Variants in COL4A2 observed in about 807,000 individuals in gnomAD.
The protein encoded by COL4A2 is collagen type IV alpha 2 chain.
A neutral mutation model predicts 200.2 loss-of-function variants in COL4A2; 99 were observed. That is an observed-to-expected ratio of 0.49 (90% CI 0.42 to 0.58). The LOEUF (loss-of-function observed/expected upper bound fraction) is 0.58. Among genes scored for constraint, COL4A2 ranks in the 20% least tolerant of loss-of-function variants. The pLI is 0.00. For synonymous variants in COL4A2, 897 were observed against 900.6 expected (o/e 1.00, Z 0.07); for missense variants, 1,950 against 2,314.1 (o/e 0.84, Z 3.23).
chr13:110,424,708 A>C (rs373525574), intron 4 of COL4A2, 26 bp from the exon 5 acceptor site: 20 of 1,531,644 alleles, frequency 1.3e-5, no homozygotes, highest in Middle Eastern at 1.7e-4. Context: ...TTAATCGTGG[A>C]AATTGAACCT....
chr13:110,356,202 T>G (rs1342498453), intron 3 of COL4A2, among the ~76,000 whole-genome samples: 1 of 152,186 alleles, frequency 6.6e-6, no homozygotes, highest in Non-Finnish European at 1.5e-5. Flanking sequence ...CATTTCCCAC[T>G]GACTCACTTA....
intron 10 of COL4A2, 81 bp from the exon 11 acceptor site, chr13:110,432,244 C>T (rs1205638623): frequency 1.3e-6 from 2 of 1,492,140 alleles, no homozygotes; most frequent in African/African-American, 1.4e-5. Context: ...CAGTCAATGG[C>T]TTTCCCAGAG....
chr13:110,473,818 A>C (rs1882574334), intron 29 of COL4A2, among the ~76,000 whole-genome samples: 1 of 152,194 alleles, frequency 6.6e-6, no homozygotes. Flanking sequence ...GCAACCTGCC[A>C]TTCAGTGTTC....
chr13:110,408,708 C>T (rs1475887056), intron 4 of COL4A2, among the ~76,000 whole-genome samples: 2 of 152,148 alleles, frequency 1.3e-5, no homozygotes, highest in African/African-American at 4.8e-5. Flanking sequence ...TTGCTCCTGC[C>T]TGGTGGAACA....
intron 12 of COL4A2, among the ~76,000 whole-genome samples, chr13:110,434,886 C>G (rs1401132597): frequency 2.0e-5 from 3 of 152,368 alleles, no homozygotes; most frequent in Non-Finnish European, 4.4e-5. Flanking sequence ...TGTGGCTTTT[C>G]TCCTTCCTTA....
intron 46 of COL4A2, among the ~76,000 whole-genome samples, chr13:110,506,873 G>T (rs922632400): frequency 6.6e-6 from 1 of 152,150 alleles, no homozygotes; most frequent in African/African-American, 2.4e-5. Flanking sequence ...TGACCCGTCT[G>T]ACCCCCGACC....
chr13:110,356,535 C>T (rs1354182116), intron 3 of COL4A2, among the ~76,000 whole-genome samples: 3 of 152,330 alleles, frequency 2.0e-5, no homozygotes, highest in African/African-American at 7.2e-5. Flanking sequence ...TCCTCCCCTC[C>T]GTGGTGGCCC....
chr13:110,498,862 G>C (rs1566568751), intron 40 of COL4A2, among the ~76,000 whole-genome samples: 1 of 152,162 alleles, frequency 6.6e-6, no homozygotes, highest in East Asian at 1.9e-4. Flanking sequence ...TCCATCCCAG[G>C]GACCTGGACG....
At chr13:110,343,265 G>T (rs769704857) in intron 3 of COL4A2, among the ~76,000 whole-genome samples, 11 of 152,112 alleles carry the variant, frequency 7.2e-5, no homozygotes, top group Non-Finnish European at 1.2e-4. Flanking sequence ...CCCAAATAAC[G>T]GAGTGCTGCC....
intron 3 of COL4A2, among the ~76,000 whole-genome samples, chr13:110,327,686 G>A (rs1875691478): frequency 6.6e-6 from 1 of 152,096 alleles, no homozygotes; most frequent in African/African-American, 2.4e-5. Flanking sequence ...TCATTCTGTG[G>A]GTGTCAGTGA....
intron 20 of COL4A2, among the ~76,000 whole-genome samples, chr13:110,450,870 C>G (rs535857270): frequency 7.9e-5 from 12 of 152,344 alleles, no homozygotes; most frequent in Non-Finnish European, 1.5e-4. Flanking sequence ...CAGCCTCTCT[C>G]CTGTGTTACT....
chr13:110,323,351 A>G lies in COL4A2; in HGVS notation c.99+15228A>G, dbSNP rs563789437. ...GATGCCTGGGAGGAGGAGCGCATCC[A>G]CAGGCAGTTCCTTGCCTGAGATGAT... On this transcript the variant is annotated intron_variant, in intron 3 of 47. Coordinates refer to ENST00000360467, the MANE Select transcript of COL4A2 (RefSeq NM_001846.4). Among the ~76,000 whole-genome samples the G allele has an allele frequency of 5.3e-5, 8 of 152,366 alleles. No homozygotes were observed. In the East Asian group the frequency reaches 1.5e-3, roughly 29 times the overall value.
At position 110,451,350 on chromosome 13, in the gene COL4A2, A is replaced by AT. The variant is rs1421323287; in HGVS notation, c.1339+901dup. ...CAAAATTCATAAGCTTTTTAAAAAC[A>AT]TTTTTACAATTTTTTGTAGCTAATC... On this transcript the variant is annotated intron_variant, in intron 20 of 47. Transcript: ENST00000360467. Among the ~76,000 whole-genome samples, 22 of 152,280 alleles carry AT rather than the reference A, an allele frequency of 1.4e-4. 1 individual carries two copies. The highest frequency in any genetic ancestry group is 5.1e-4 in the African/African-American group (21 of 41,560).
chr13:110,499,309 C>A (rs145131936), intron 40 of COL4A2, among the ~76,000 whole-genome samples: 2 of 152,336 alleles, frequency 1.3e-5, no homozygotes, highest in East Asian at 3.9e-4. Flanking sequence ...AGGAAACTTA[C>A]AATCATGGCG....
chr13:110,448,773 T>A (rs1195249156), intron 18 of COL4A2, among the ~76,000 whole-genome samples: 1 of 152,262 alleles, frequency 6.6e-6, no homozygotes. Flanking sequence ...ATGCTCCAAG[T>A]TGTCCTAGTT....
intron 4 of COL4A2, among the ~76,000 whole-genome samples, chr13:110,406,298 G>C (rs1879567205): frequency 6.6e-6 from 1 of 152,188 alleles, no homozygotes; most frequent in Non-Finnish European, 1.5e-5. Context: ...GATGCAGACT[G>C]GGGAGAAGTG....
intron 6 of COL4A2, among the ~76,000 whole-genome samples, chr13:110,427,913 A>G (rs1390750311): frequency 6.6e-6 from 1 of 152,250 alleles, no homozygotes; most frequent in African/African-American, 2.4e-5. Context: ...TGATAAAATC[A>G]CGTTGCGGGT....
intron 4 of COL4A2, among the ~76,000 whole-genome samples, chr13:110,401,673 G>A (rs908939651): frequency 2.0e-5 from 3 of 152,166 alleles, no homozygotes; most frequent in East Asian, 1.9e-4. Context: ...GGTCTAAAAC[G>A]TCTTGAAAAC....
Position 110,374,710 on chromosome 13 carries a change from C to A in COL4A2, c.180+17158C>A, listed in dbSNP as rs1334837982. On this transcript the variant is annotated intron_variant, in intron 4 of 47. Transcript: ENST00000360467. ...AATATAGCAAATGCTTTCCTCATCT[C>A]CATCCATCCTAGTTACCCCTCTCCT... is the stretch of plus-strand genomic sequence containing the variant. Among the ~76,000 whole-genome samples, 2 of 152,196 alleles carry A rather than the reference C, an allele frequency of 1.3e-5. 1 individual carries two copies. The highest frequency in any genetic ancestry group is 1.3e-4 in the Admixed American group (2 of 15,280).
Sources: allele counts gnomAD v4.1 joint callset (sites outside exome capture counted in the v4.1 genomes callset), GRCh38; gene constraint gnomAD v4.1.1; transcripts MANE v1.5; gene names NCBI Gene and HGNC (gene_info 2026-07-23, HGNC 2026-07-21).